Variants in OSBPL10 observed in about 807,000 individuals in gnomAD.
OSBPL10 encodes the protein oxysterol-binding protein-related protein 10.
OSBPL10 carries 49 observed loss-of-function variants against 81.7 expected under a neutral mutation model. The ratio of observed to expected loss-of-function variants is 0.60; its 90% confidence interval spans 0.48 to 0.76. OSBPL10 has a LOEUF of 0.76. Ranked by LOEUF, OSBPL10 falls within the 30% of genes least tolerant of loss-of-function variation. The pLI, the probability that OSBPL10 is intolerant of heterozygous loss-of-function variation, is 0.00. For missense variants in OSBPL10, 923 were observed against 987.8 expected, an observed-to-expected ratio of 0.93 and a Z score of 0.88; for synonymous variants, 419 against 383.6, an observed-to-expected ratio of 1.09 and a Z score of -1.08.
intron 3 of OSBPL10, among the ~76,000 whole-genome samples, chr3:31,831,119 A>G (rs1700228726): frequency 6.6e-6 from 1 of 152,106 alleles, no homozygotes; most frequent in African/African-American, 2.4e-5. Flanking sequence ...TATACCACAA[A>G]AGCTTAGCCG....
intron 6 of OSBPL10, among the ~76,000 whole-genome samples, chr3:31,724,646 C>T (rs75520912): frequency 0.029 from 4,372 of 152,112 alleles, 72 homozygotes; most frequent in Non-Finnish European, 0.041. Flanking sequence ...CCTTGAAAAA[C>T]GAGCATAAGC....
At position 31,833,748 on chromosome 3, in the gene OSBPL10, CTTCTAA is replaced by C. The variant is rs541545916; in HGVS notation, c.538-3523_538-3518del. ...ACACACACACACACACTCTCTCTCT[CTTCTAA>C]TTCTGAGTAGAAATGAGGACTCTTC... On this transcript the variant is annotated intron_variant, in intron 3 of 11. Transcript: ENST00000396556. 2.6e-3 allele frequency among the ~76,000 whole-genome samples: 399 copies of C among 151,766 alleles called. 2 individuals are homozygous for C. The highest frequency in any genetic ancestry group is 8.6e-3 in the African/African-American group (355 of 41,290).
At chr3:32,068,419 C>G (rs7629015) in intron 1 of OSBPL10, among the ~76,000 whole-genome samples, 91,563 of 147,852 alleles carry the variant, frequency 0.62, 30,997 homozygotes, top group East Asian at 0.78. Context: ...CCCCACCCCC[C>G]TTCTCCGTGT....
intron 4 of OSBPL10, among the ~76,000 whole-genome samples, chr3:31,783,520 G>C (rs1698757700): frequency 6.6e-6 from 1 of 151,664 alleles, no homozygotes; most frequent in South Asian, 2.1e-4. Context: ...GCCAGGCATG[G>C]TGGCTCACAC....
intron 2 of OSBPL10, among the ~76,000 whole-genome samples, chr3:32,018,826 A>C (rs763825649): frequency 6.6e-6 from 1 of 152,208 alleles, no homozygotes; most frequent in Non-Finnish European, 1.5e-5. Context: ...GTGTGATCAC[A>C]CTGGAAATAA....
chr3:31,669,497 T>TC (rs758625378), intron 9 of OSBPL10, among the ~76,000 whole-genome samples: 28 of 152,236 alleles, frequency 1.8e-4, no homozygotes, highest in Non-Finnish European at 3.7e-4. Flanking sequence ...AAACATCCAC[T>TC]CCAGCATCCA....
rs933426261 is a variant in OSBPL10, at chr3:31,954,018, C to G, written c.281+26881G>C. Among the ~76,000 whole-genome samples the G allele has an allele frequency of 5.1e-4, 78 of 152,202 alleles. 1 individual carries two copies. ...TTGTTTCCAGCTCCAGTTGTTGCAG[C>G]TGACTGGTCCTATAATTTCTAGCAT... On this transcript the variant is annotated intron_variant, in intron 1 of 11. Coordinates refer to ENST00000396556, the MANE Select transcript of OSBPL10 (RefSeq NM_017784.5).
intron 2 of OSBPL10, among the ~76,000 whole-genome samples, chr3:31,878,611 G>C (rs1397377044): frequency 6.6e-6 from 1 of 152,196 alleles, no homozygotes; most frequent in East Asian, 1.9e-4. Flanking sequence ...GCTGAGAGGT[G>C]AGGAATGTAG....
Position 31,661,629 on chromosome 3 carries a change from A to C in OSBPL10, c.*443T>G, listed in dbSNP as rs1700072489. 6.5e-6 allele frequency: 1 copy of C among 153,066 alleles called. No homozygotes were observed. The highest frequency in any genetic ancestry group is 2.4e-5 in the African/African-American group (1 of 41,488). The allele number at this position is 153,066 out of a possible 1,614,324, so 9.5% of individuals were successfully genotyped here. The stretch of plus-strand genomic sequence containing the variant: ...ATGAGCCACTTTCTCCCTTATGGAC[A>C]GTGATCGGGCCATGCCAGTTCACCT... On this transcript the variant is annotated 3_prime_UTR_variant, in exon 12 of 12. Coordinates refer to ENST00000396556, the MANE Select transcript of OSBPL10 (RefSeq NM_017784.5).
chr3:31,876,491 T>C lies in OSBPL10; in HGVS notation c.479A>G (p.Gln160Arg). 1.9e-6 allele frequency: 3 copies of C among 1,613,556 alleles called. No individual in the cohort carries two copies. Among genetic ancestry groups the C allele is most frequent in the Non-Finnish European group, 2.5e-6 (3 of 1,179,428 alleles). Reference sequence around the variant, plus strand: ...AGCTCGAAGCTGAGTCACCCAGAATTGTTTCTCTTTTGCATCAGCAGCTAA... The same window carrying C: ...AGCTCGAAGCTGAGTCACCCAGAATCGTTTCTCTTTTGCATCAGCAGCTAA... ...KLRAADAKEKQFWVTQLRACA... is the reference protein window; with the variant it reads ...KLRAADAKEKRFWVTQLRACA... The change falls in exon 3 of 12, where the codon CAA (glutamine) becomes CGA (arginine). Residue 160 changes from glutamine to arginine, a missense_variant. This residue lies in a region of OSBPL10 where 514 missense variants were observed against 508.0 expected (regional missense o/e 1.01). Coordinates refer to ENST00000396556, the MANE Select transcript of OSBPL10 (RefSeq NM_017784.5).
intron 1 of OSBPL10, among the ~76,000 whole-genome samples, chr3:31,913,755 G>A (rs771096669): frequency 2.0e-5 from 3 of 152,054 alleles, no homozygotes; most frequent in Non-Finnish European, 4.4e-5. Context: ...GACAAGAAGC[G>A]TTTTTTCAGT....
At position 31,826,772 on chromosome 3, in the gene OSBPL10, C is replaced by T. The variant is rs189268445; in HGVS notation, c.729+3268G>A. 7.1e-4 allele frequency among the ~76,000 whole-genome samples: 108 copies of T among 152,240 alleles called. 1 individual carries two copies. The highest frequency in any genetic ancestry group is 1.6e-3 in the Admixed American group (24 of 15,294). On this transcript the variant is annotated intron_variant, in intron 4 of 11. Transcript: ENST00000396556. ...CTTTCTACTATGAGTGCAATTTGCT[C>T]GGATAGCTCCCAAGGTGGACCTGGC...
chr3:31,710,720 CACCTGCCATCCAA>C (rs1426913898), intron 6 of OSBPL10: 6 of 152,258 alleles, frequency 3.9e-5, no homozygotes, highest in East Asian at 3.9e-4. Flanking sequence ...CAGCCATCCA[CACCTGCCATCCAA>C]ACCTGCCATC....
At chr3:32,067,353 G>A (rs111509439) in intron 1 of OSBPL10, among the ~76,000 whole-genome samples, 7 of 152,116 alleles carry the variant, frequency 4.6e-5, no homozygotes, top group African/African-American at 1.4e-4. Context: ...GTGGAGGGTC[G>A]TGTTCTCTCA....
intron 4 of OSBPL10, among the ~76,000 whole-genome samples, chr3:31,806,308 T>C (rs1699522423): frequency 6.6e-6 from 1 of 152,168 alleles, no homozygotes; most frequent in South Asian, 2.1e-4. Flanking sequence ...CAAATCACCA[T>C]TTTCCTACTT....
At chr3:31,700,784 T>A (rs146495240) in intron 7 of OSBPL10, among the ~76,000 whole-genome samples, 2 of 152,322 alleles carry the variant, frequency 1.3e-5, no homozygotes, top group African/African-American at 4.8e-5. Context: ...AACATGGGCA[T>A]CTTTTAAAAG....
intron 2 of OSBPL10, among the ~76,000 whole-genome samples, chr3:32,011,898 G>A (rs1221255642): frequency 6.6e-6 from 1 of 152,100 alleles, no homozygotes; most frequent in African/African-American, 2.4e-5. Context: ...AGAAAAAAAA[G>A]AATAAAAAGA....
At chr3:31,699,383 C>T (rs375986695) in intron 7 of OSBPL10, among the ~76,000 whole-genome samples, 9 of 152,222 alleles carry the variant, frequency 5.9e-5, no homozygotes, top group African/African-American at 2.2e-4. Context: ...TGACCCTCCA[C>T]CTCACTGTGG....
intron 2 of OSBPL10, among the ~76,000 whole-genome samples, chr3:32,007,901 CT>C (rs1188918391): frequency 6.6e-6 from 1 of 151,886 alleles, no homozygotes; most frequent in Non-Finnish European, 1.5e-5. Context: ...GACAGGGTTT[CT>C]CCATGTTGGC....
Sources: gnomAD v4.1 joint callset for allele counts (sites outside exome capture counted in the v4.1 genomes callset) on GRCh38, gnomAD v4.1.1 for gene constraint, gnomAD v4.1.1 regional missense constraint, MANE v1.5 for transcripts, NCBI Gene and HGNC (gene_info 2026-07-23, HGNC 2026-07-21) for gene names.